SGCZ: variants seen among roughly 807,000 people sequenced by gnomAD.
The protein encoded by SGCZ is sarcoglycan zeta.
A neutral mutation model predicts 41.3 loss-of-function variants in SGCZ; 40 were observed. That is an observed-to-expected ratio of 0.97 (90% CI 0.75 to 1.26). The LOEUF (loss-of-function observed/expected upper bound fraction) is 1.26, where lower values mean the gene tolerates loss of function less well. Ranked by LOEUF, SGCZ falls within the 50% of genes most tolerant of loss-of-function variation. SGCZ has a pLI of 0.00. For missense variants in SGCZ, 552 were observed against 369.8 expected (o/e 1.49, Z -4.04); for synonymous variants, 206 against 137.5 (o/e 1.50, Z -3.49).
chr8:14,904,854 T>C (rs955197414), intron 1 of SGCZ, among the ~76,000 whole-genome samples: 2 of 152,038 alleles, frequency 1.3e-5, no homozygotes, highest in African/African-American at 4.8e-5. Context: ...TCCTTTATGA[T>C]GTTTTATTAT....
At chr8:14,462,989 T>C (rs1220649114) in intron 2 of SGCZ, among the ~76,000 whole-genome samples, 2 of 151,786 alleles carry the variant, frequency 1.3e-5, no homozygotes, top group African/African-American at 4.8e-5. Context: ...TTTCAAATGG[T>C]TTATTTTTAA....
intron 1 of SGCZ, among the ~76,000 whole-genome samples, chr8:14,801,248 T>C (rs911072692): frequency 3.3e-5 from 5 of 152,152 alleles, no homozygotes; most frequent in Non-Finnish European, 7.3e-5. Context: ...AGAAATTATA[T>C]GGGTTGGTCA....
intron 1 of SGCZ, among the ~76,000 whole-genome samples, chr8:14,914,503 G>A (rs1290504127): frequency 6.6e-6 from 1 of 151,420 alleles, no homozygotes; most frequent in Non-Finnish European, 1.5e-5. Flanking sequence ...TTGGCAAAAG[G>A]TCGTTTGGAA....
intron 3 of SGCZ, among the ~76,000 whole-genome samples, chr8:14,318,105 C>T (rs572048048): frequency 1.1e-4 from 16 of 151,362 alleles, no homozygotes; most frequent in Admixed American, 2.0e-4. Context: ...TATTTCAATT[C>T]GGTAATAAAA....
At chr8:14,982,335 A>T (rs73665349) in intron 1 of SGCZ, among the ~76,000 whole-genome samples, 1 of 152,196 alleles carries the variant, frequency 6.6e-6, no homozygotes, top group Admixed American at 6.5e-5. Flanking sequence ...CCAGATTTCA[A>T]TACTTGCTTT....
intron 1 of SGCZ, among the ~76,000 whole-genome samples, chr8:14,993,776 A>G (rs1416020790): frequency 6.6e-6 from 1 of 152,208 alleles, no homozygotes; most frequent in Non-Finnish European, 1.5e-5. Flanking sequence ...AATAGGGACA[A>G]GGTCAATGTT....
chr8:14,907,895 A>T (rs1207563719), intron 1 of SGCZ, among the ~76,000 whole-genome samples: 2 of 152,082 alleles, frequency 1.3e-5, no homozygotes, highest in Non-Finnish European at 2.9e-5. Context: ...AGAACAAATA[A>T]CCATTTGAGG....
intron 7 of SGCZ, among the ~76,000 whole-genome samples, chr8:14,091,434 C>G (rs1399513701): frequency 6.6e-6 from 1 of 152,028 alleles, no homozygotes; most frequent in Non-Finnish European, 1.5e-5. Context: ...AATGGTTTAA[C>G]CAATTTACAC....
chr8:15,166,209 G>A (rs1034885873), intron 1 of SGCZ, among the ~76,000 whole-genome samples: 5 of 151,124 alleles, frequency 3.3e-5, no homozygotes, highest in Admixed American at 6.6e-5. Context: ...AGGTACATGG[G>A]ATTGCCAAAA....
chr8:15,122,306 C>G (rs7846146), intron 1 of SGCZ, among the ~76,000 whole-genome samples: 1 of 152,028 alleles, frequency 6.6e-6, no homozygotes, highest in Admixed American at 6.6e-5. Context: ...AGGAATTTAG[C>G]CAAGCAAAAT....
chr8:14,217,411 C>T (rs1275218197), intron 4 of SGCZ, among the ~76,000 whole-genome samples: 3 of 151,622 alleles, frequency 2.0e-5, no homozygotes, highest in East Asian at 1.9e-4. Flanking sequence ...TGTCAATCTC[C>T]TGGCATAGAT....
intron 5 of SGCZ, among the ~76,000 whole-genome samples, chr8:14,134,231 AT>A (rs1585165573): frequency 1.3e-5 from 2 of 152,236 alleles, no homozygotes; most frequent in East Asian, 3.9e-4. Context: ...GATAATAGAT[AT>A]GTGAAATTTT....
At chr8:15,010,111 T>A (rs1444290783) in intron 1 of SGCZ, among the ~76,000 whole-genome samples, 3 of 152,186 alleles carry the variant, frequency 2.0e-5, no homozygotes, top group Admixed American at 6.5e-5. Context: ...ACAGGAATAA[T>A]GTTAGCCTGT....
chr8:14,300,786 AT>A (rs1188909988), intron 3 of SGCZ, among the ~76,000 whole-genome samples: 1 of 151,924 alleles, frequency 6.6e-6, no homozygotes, highest in Non-Finnish European at 1.5e-5. Flanking sequence ...AGAAATTTCT[AT>A]TCAGGTCCTT....
intron 1 of SGCZ, among the ~76,000 whole-genome samples, chr8:14,688,111 T>C (rs1026244478): frequency 6.6e-6 from 1 of 152,166 alleles, no homozygotes; most frequent in Non-Finnish European, 1.5e-5. Context: ...GTCAGATGAG[T>C]AGGTTGCGAA....
intron 3 of SGCZ, among the ~76,000 whole-genome samples, chr8:14,243,967 G>A (rs1248168439): frequency 1.3e-5 from 2 of 152,060 alleles, no homozygotes; most frequent in East Asian, 3.8e-4. Flanking sequence ...TTCTCATACA[G>A]ACTTTTAAAA....
intron 1 of SGCZ, among the ~76,000 whole-genome samples, chr8:14,692,444 C>CTA (rs1808829341): frequency 6.6e-6 from 1 of 152,078 alleles, no homozygotes; most frequent in African/African-American, 2.4e-5. Context: ...TACCTACATA[C>CTA]TATAATACAC....
chr8:14,867,917 TA>T (rs199588948), intron 1 of SGCZ, among the ~76,000 whole-genome samples: 1,503 of 132,368 alleles, frequency 0.011, 11 homozygotes, highest in East Asian at 0.054. Flanking sequence ...ACTTAAAAGT[TA>T]AAAAAAAAAA....
At chr8:14,319,823 C>A (rs921160337) in intron 3 of SGCZ, among the ~76,000 whole-genome samples, 2 of 151,970 alleles carry the variant, frequency 1.3e-5, no homozygotes, top group Non-Finnish European at 2.9e-5. Flanking sequence ...TCCAATCACA[C>A]TGCAGGGAGT....
Sources: gnomAD v4.1 joint callset for allele counts (sites outside exome capture counted in the v4.1 genomes callset) on GRCh38, gnomAD v4.1.1 for gene constraint, MANE v1.5 for transcripts, NCBI Gene and HGNC (gene_info 2026-07-23, HGNC 2026-07-21) for gene names.